C8orf34: variants seen among roughly 807,000 people sequenced by gnomAD.
C8orf34 encodes the protein uncharacterized protein C8orf34.
Under a neutral mutation model 68.3 loss-of-function variants are expected in C8orf34, and 65 were observed. That is an observed-to-expected ratio of 0.95 (90% CI 0.78 to 1.17). The LOEUF (loss-of-function observed/expected upper bound fraction) is 1.17, where lower values mean the gene tolerates loss of function less well. Among genes scored for constraint, C8orf34 ranks in the 50% most tolerant of loss-of-function variants. C8orf34 has a pLI of 0.00. For synonymous variants in C8orf34, 244 were observed against 241.2 expected, an observed-to-expected ratio of 1.01 and a Z score of -0.11; for missense variants, 664 against 655.4, an observed-to-expected ratio of 1.01 and a Z score of -0.14.
intron 8 of C8orf34, among the ~76,000 whole-genome samples, chr8:68,669,642 A>C (rs997645582): frequency 6.6e-6 from 1 of 152,196 alleles, no homozygotes; most frequent in African/African-American, 2.4e-5. Context: ...TTGATATTTC[A>C]TCCATCTTTC....
At chr8:68,757,906 T>A (rs1017291005) in intron 10 of C8orf34, among the ~76,000 whole-genome samples, 4 of 152,168 alleles carry the variant, frequency 2.6e-5, no homozygotes, top group African/African-American at 4.8e-5. Flanking sequence ...AACATCAACT[T>A]TATATGGTTC....
chr8:68,578,294 T>C (rs1326175874), intron 7 of C8orf34, among the ~76,000 whole-genome samples: 1 of 152,036 alleles, frequency 6.6e-6, no homozygotes, highest in Non-Finnish European at 1.5e-5. Context: ...TTTCTTCATG[T>C]AGTTCATAAT....
At chr8:68,499,286 A>G (rs758853593) in intron 5 of C8orf34, among the ~76,000 whole-genome samples, 2 of 152,204 alleles carry the variant, frequency 1.3e-5, no homozygotes, top group Admixed American at 6.5e-5. Flanking sequence ...GCATAGTTGG[A>G]ATATTTTTTA....
Position 68,446,318 on chromosome 8 carries a change from T to A in C8orf34, c.476-11T>A. 1 of 1,572,290 alleles carries A rather than the reference T, an allele frequency of 6.4e-7. No individual in the cohort carries two copies. Among genetic ancestry groups the A allele is most frequent in the East Asian group, 2.3e-5 (1 of 44,260 alleles). On this transcript the variant is annotated splice_polypyrimidine_tract_variant and intron_variant, in intron 2 of 13. Coordinates refer to ENST00000518698, the MANE Select transcript of C8orf34 (RefSeq NM_052958.4). ...CTTTGTTGCCATTTTATATATATTT[T>A]GTTTTAACAGAATCCAAAGGAACAA...
At chr8:68,562,581 A>G (rs899159846) in intron 7 of C8orf34, among the ~76,000 whole-genome samples, 2 of 152,222 alleles carry the variant, frequency 1.3e-5, no homozygotes, top group South Asian at 4.1e-4. Context: ...AGGAAAATGC[A>G]GCCTGATTTG....
chr8:68,491,496 GGGCTGCCTGTATTCCTT>G (rs1813311726), intron 5 of C8orf34, among the ~76,000 whole-genome samples: 1 of 152,052 alleles, frequency 6.6e-6, no homozygotes, highest in South Asian at 2.1e-4. Flanking sequence ...CAAGCTTCTA[GGGCTGCCTGTATTCCTT>G]TAGTGCATGG....
At chr8:68,510,725 A>T (rs768738837) in intron 5 of C8orf34, among the ~76,000 whole-genome samples, 7 of 152,212 alleles carry the variant, frequency 4.6e-5, no homozygotes, top group Non-Finnish European at 1.0e-4. Flanking sequence ...TACAGCAAGA[A>T]TAATTATTTC....
intron 7 of C8orf34, among the ~76,000 whole-genome samples, chr8:68,597,767 C>T (rs1182715503): frequency 2.0e-5 from 3 of 152,082 alleles, no homozygotes; most frequent in African/African-American, 7.2e-5. Context: ...AGTAATATAA[C>T]TACTAGGAAA....
At chr8:68,462,455 C>T (rs1208140396) in intron 3 of C8orf34, among the ~76,000 whole-genome samples, 5 of 151,664 alleles carry the variant, frequency 3.3e-5, no homozygotes, top group Non-Finnish European at 7.4e-5. Context: ...TAGACATCTA[C>T]AGAACTCTCC....
At chr8:68,593,724 A>C (rs1320871600) in intron 7 of C8orf34, among the ~76,000 whole-genome samples, 1 of 151,992 alleles carries the variant, frequency 6.6e-6, no homozygotes, top group Non-Finnish European at 1.5e-5. Context: ...ATCTTTTCAA[A>C]AAAGTACCTT....
intron 10 of C8orf34, among the ~76,000 whole-genome samples, chr8:68,758,064 T>G (rs1211305772): frequency 6.6e-6 from 1 of 152,236 alleles, no homozygotes; most frequent in Admixed American, 6.5e-5. Flanking sequence ...ACTGCGTGCC[T>G]GCTGTGTGCC....
intron 12 of C8orf34, among the ~76,000 whole-genome samples, chr8:68,811,426 C>G (rs932204630): frequency 1.4e-4 from 22 of 152,318 alleles, no homozygotes; most frequent in African/African-American, 5.1e-4. Flanking sequence ...CACCTGTGCC[C>G]TTTGGGCGGG....
At chr8:68,485,724 A>AATAAAATAAAT (rs34400081) in intron 4 of C8orf34, among the ~76,000 whole-genome samples, 1 of 147,200 alleles carries the variant, frequency 6.8e-6, no homozygotes, top group South Asian at 2.1e-4. Flanking sequence ...AAAAAAATAA[A>AATAAAATAAAT]AAATAAATAA....
At chr8:68,416,995 G>A (rs563444657) in intron 1 of C8orf34, among the ~76,000 whole-genome samples, 2 of 152,208 alleles carry the variant, frequency 1.3e-5, no homozygotes, top group South Asian at 4.1e-4. Context: ...GAAGAGAAAA[G>A]GATGGAGTGA....
chr8:68,334,522 T>A (rs1805764555), intron 1 of C8orf34, among the ~76,000 whole-genome samples: 1 of 151,950 alleles, frequency 6.6e-6, no homozygotes, highest in Non-Finnish European at 1.5e-5. Context: ...AACTTTTGAG[T>A]TTCTCCCATT....
intron 10 of C8orf34, among the ~76,000 whole-genome samples, chr8:68,723,516 G>A (rs974372067): frequency 3.9e-5 from 6 of 152,044 alleles, no homozygotes; most frequent in African/African-American, 1.4e-4. Flanking sequence ...ATATTATTTG[G>A]TGATTATAAC....
chr8:68,543,215 G>A (rs1815757624), intron 7 of C8orf34, among the ~76,000 whole-genome samples: 1 of 151,996 alleles, frequency 6.6e-6, no homozygotes, highest in Non-Finnish European at 1.5e-5. Context: ...AAAGAATGAT[G>A]CTTTCTGAAA....
chr8:68,460,025 C>T (rs988787985), intron 3 of C8orf34, among the ~76,000 whole-genome samples: 7 of 152,146 alleles, frequency 4.6e-5, no homozygotes, highest in Non-Finnish European at 1.0e-4. Context: ...TCAGGGAGTT[C>T]CCTTTCCTAG....
intron 9 of C8orf34, 50 bp from the exon 10 acceptor site, chr8:68,721,309 TTA>T (rs1821668056): frequency 8.4e-7 from 1 of 1,188,608 alleles, no homozygotes; most frequent in Non-Finnish European, 1.2e-6. Context: ...TATCAGAGAA[TTA>T]ATAAGCAATA....
Sources: allele counts gnomAD v4.1 joint callset (sites outside exome capture counted in the v4.1 genomes callset), GRCh38; gene constraint gnomAD v4.1.1; transcripts MANE v1.5; gene names NCBI Gene and HGNC (gene_info 2026-07-23, HGNC 2026-07-21).